Variants in LRRC27 observed in about 807,000 individuals in gnomAD.
LRRC27 encodes leucine-rich repeat-containing protein 27.
Under a neutral mutation model 55.0 loss-of-function variants are expected in LRRC27, and 57 were observed. That is an observed-to-expected ratio of 1.04 (90% CI 0.84 to 1.29). The LOEUF (loss-of-function observed/expected upper bound fraction) is 1.29, where lower values mean the gene tolerates loss of function less well. Among genes scored for constraint, LRRC27 ranks in the 50% most tolerant of loss-of-function variants. LRRC27 has a pLI of 0.00. For synonymous variants in LRRC27, 278 were observed against 251.9 expected, an observed-to-expected ratio of 1.10 and a Z score of -0.98; for missense variants, 721 against 651.5, an observed-to-expected ratio of 1.11 and a Z score of -1.16.
chr10:132,363,415 G>C (rs141688098), intron 9 of LRRC27, among the ~76,000 whole-genome samples: 1 of 152,166 alleles, frequency 6.6e-6, no homozygotes, highest in Non-Finnish European at 1.5e-5. Flanking sequence ...CCTCTGAGCC[G>C]TGTATAAGGA....
intron 8 of LRRC27, among the ~76,000 whole-genome samples, chr10:132,358,376 C>T (rs531249074): frequency 9.7e-5 from 6 of 61,910 alleles, no homozygotes; most frequent in Admixed American, 3.6e-4. Context: ...GGGGAGGAGC[C>T]GAGGTGATGG....
At chr10:132,346,183 G>C (rs2067676217) in intron 5 of LRRC27, among the ~76,000 whole-genome samples, 1 of 152,244 alleles carries the variant, frequency 6.6e-6, no homozygotes, top group South Asian at 2.1e-4. Flanking sequence ...CCAGGCACCA[G>C]CGGCTGCTGA....
At chr10:132,330,639 C>G (rs2066651424), upstream of LRRC27, among the ~76,000 whole-genome samples, 1 of 150,360 alleles carries the variant, frequency 6.7e-6, no homozygotes, top group Admixed American at 6.6e-5. Context: ...TCCCACACAG[C>G]TGGAACTACA....
At chr10:132,367,091 A>C in intron 10 of LRRC27, 1 of 775,316 alleles carries the variant, frequency 1.3e-6, no homozygotes, top group Non-Finnish European at 1.6e-6. Flanking sequence ...CCATCACTTC[A>C]CATTAGGGAC....
At chr10:132,360,086 A>C (rs760041413) in intron 8 of LRRC27, among the ~76,000 whole-genome samples, 4 of 152,210 alleles carry the variant, frequency 2.6e-5, no homozygotes, top group Admixed American at 6.5e-5. Context: ...TGATTTTAAA[A>C]GAAAAAAACA....
rs1377151381 is a variant in LRRC27 at position 132,379,763 on chromosome 10, T to C, written c.*4521T>C. On this transcript the variant is annotated 3_prime_UTR_variant, in exon 11 of 11. Coordinates refer to ENST00000368614, the MANE Select transcript of LRRC27 (RefSeq NM_030626.3). ...TTTTCTAATAAGTTTTTAGTGAGTG[T>C]CCAGCATTGTATAAGTTGACCCTTG... 6.6e-6 allele frequency: 1 copy of C among 152,152 alleles called. No individual in the cohort carries two copies. The highest frequency in any genetic ancestry group is 2.4e-5 in the African/African-American group (1 of 41,426). 9.4% of individuals were successfully genotyped at this position (152,152 alleles called of 1,614,324 possible).
intron 9 of LRRC27, among the ~76,000 whole-genome samples, chr10:132,362,824 T>C (rs1249051865): frequency 1.5e-5 from 2 of 132,084 alleles, no homozygotes; most frequent in Non-Finnish European, 3.2e-5. Context: ...TCACCCCTCT[T>C]ACCTCACAGC....
chr10:132,346,201 C>T (rs956614518), intron 5 of LRRC27, among the ~76,000 whole-genome samples: 2 of 152,104 alleles, frequency 1.3e-5, no homozygotes, highest in Non-Finnish European at 2.9e-5. Flanking sequence ...TGATGGGGTG[C>T]GGGGTCCATC....
chr10:132,371,662 A>G (rs1006356062), intron 10 of LRRC27, among the ~76,000 whole-genome samples: 3 of 151,920 alleles, frequency 2.0e-5, no homozygotes, highest in African/African-American at 4.8e-5. Flanking sequence ...ACGTTTCTCA[A>G]CCTCCCTTGC....
Position 132,347,977 on chromosome 10 carries a change from C to G in LRRC27, c.554-7C>G. 2 of 1,589,678 alleles carry G rather than the reference C, an allele frequency of 1.3e-6. No individual in the cohort carries two copies. Among genetic ancestry groups the G allele is most frequent in the Non-Finnish European group, 1.7e-6 (2 of 1,169,736 alleles). On this transcript the variant is annotated splice_region_variant and splice_polypyrimidine_tract_variant and intron_variant, in intron 5 of 10. Transcript: ENST00000368614. ...GTAGCTACTAAAGCGGTTTCTTACT[C>G]TCCCAGAGGCTCCACCGGTTAGAGA...
At chr10:132,365,346 C>T in intron 9 of LRRC27, 78 bp from the exon 10 acceptor site, 1 of 1,577,854 alleles carries the variant, frequency 6.3e-7, no homozygotes, top group Non-Finnish European at 8.7e-7. Context: ...CACATGCTTT[C>T]TCCCTGGTTA....
chr10:132,359,537 G>A (rs1166068962), intron 8 of LRRC27, among the ~76,000 whole-genome samples: 1 of 152,232 alleles, frequency 6.6e-6, no homozygotes, highest in Admixed American at 6.5e-5. Flanking sequence ...CACGGGCTGG[G>A]CTGGGCTGGG....
intron 8 of LRRC27, among the ~76,000 whole-genome samples, chr10:132,359,434 C>T (rs1372495939): frequency 6.6e-6 from 1 of 152,220 alleles, no homozygotes; most frequent in Non-Finnish European, 1.5e-5. Flanking sequence ...GGAGGGCAAG[C>T]TCCCAGCTCC....
upstream of LRRC27, chr10:132,331,815 C>G (rs1235621024): frequency 6.3e-7 from 1 of 1,578,044 alleles, no homozygotes; most frequent in Admixed American, 1.7e-5. Context: ...CGTCGACCAC[C>G]ACCCCTTCAA....
intron 3 of LRRC27, among the ~76,000 whole-genome samples, chr10:132,338,231 G>A (rs1040651973): frequency 6.6e-6 from 1 of 152,126 alleles, no homozygotes; most frequent in Non-Finnish European, 1.5e-5. Flanking sequence ...CAGGAGAATT[G>A]CTTGACCCCA....
rs777727984 is a variant in LRRC27, at chr10:132,348,066, A to G, written c.636A>G (p.Gln212=). The part of the protein sequence containing the change: ...LELSGDHASN[Q]GAVNAQDPEG... The stretch of plus-strand genomic sequence containing the variant: ...TGTCTGGAGACCACGCGTCTAACCA[A>G]GGAGCTGTGAACGCTCAGGACCCAG... Residue 212 remains glutamine, a synonymous_variant, in exon 6 of 11, where the codon CAA becomes CAG. Coordinates refer to ENST00000368614, the MANE Select transcript of LRRC27 (RefSeq NM_030626.3). This position sits in a 1 kb window ranked among gnomAD's most constrained non-coding sequence, Gnocchi z 4.2. 2 of 1,614,096 alleles carry G rather than the reference A, an allele frequency of 1.2e-6. No homozygotes were observed. Among genetic ancestry groups the G allele is most frequent in the African/African-American group, 1.3e-5 (1 of 75,050 alleles).
intron 10 of LRRC27, among the ~76,000 whole-genome samples, chr10:132,370,260 G>A (rs1449085142): frequency 3.3e-5 from 5 of 152,184 alleles, no homozygotes; most frequent in African/African-American, 9.7e-5. Flanking sequence ...AAGGGTTCAC[G>A]TCACCAGCAC....
chr10:132,333,631 A>G lies in LRRC27; in HGVS notation c.107A>G (p.His36Arg). Residue 36 changes from histidine to arginine, a missense_variant, in exon 2 of 11, where the codon CAC becomes CGC. Transcript: ENST00000368614. The stretch of plus-strand genomic sequence containing the variant: ...CCTGCCACCCCCTCCAAAGATGTTC[A>G]CAAGGGTGTTGGAGGCATCATCTTT... The part of the protein sequence containing the change: ...SLPATPSKDV[H>R]KGVGGIIFSS... The G allele has an allele frequency of 1.2e-6, 2 of 1,613,406 alleles. No homozygotes were observed. Among genetic ancestry groups the G allele is most frequent in the Non-Finnish European group, 1.7e-6 (2 of 1,180,020 alleles).
chr10:132,356,141 C>T (rs538701811), intron 8 of LRRC27, among the ~76,000 whole-genome samples: 6 of 152,346 alleles, frequency 3.9e-5, no homozygotes, highest in South Asian at 2.1e-4. Flanking sequence ...GACAGCTTCC[C>T]ACCCCAGCCT....
Sources: gnomAD v4.1 joint callset for allele counts (sites outside exome capture counted in the v4.1 genomes callset) on GRCh38, gnomAD v4.1.1 for gene constraint, Gnocchi (gnomAD v3.1) non-coding constraint, MANE v1.5 for transcripts, NCBI Gene and HGNC (gene_info 2026-07-23, HGNC 2026-07-21) for gene names.